TMEM132D: variants seen among roughly 807,000 people sequenced by gnomAD.
The protein encoded by TMEM132D is transmembrane protein 132D.
Under a neutral mutation model 62.3 loss-of-function variants are expected in TMEM132D, and 21 were observed. The observed-to-expected ratio is 0.34, with a 90% CI of 0.24 to 0.49. The LOEUF (loss-of-function observed/expected upper bound fraction) is 0.49, where lower values mean the gene tolerates loss of function less well. TMEM132D is among the 20% of genes least tolerant of loss of function. The pLI is 0.99. For synonymous variants in TMEM132D, 621 were observed against 575.6 expected, an observed-to-expected ratio of 1.08 and a Z score of -1.13; for missense variants, 1,346 against 1,402.8, an observed-to-expected ratio of 0.96 and a Z score of 0.65.
At chr12:129,773,802 A>G (rs61943383) in intron 1 of TMEM132D, among the ~76,000 whole-genome samples, 11,148 of 152,216 alleles carry the variant, frequency 0.073, 464 homozygotes, top group South Asian at 0.095. Context: ...TGGCATACAG[A>G]ACACGGGGCC....
intron 3 of TMEM132D, among the ~76,000 whole-genome samples, chr12:129,410,688 CT>C (rs202053774): frequency 6.8e-4 from 103 of 152,184 alleles, no homozygotes; most frequent in African/African-American, 2.4e-3. Context: ...ATGTACTTGT[CT>C]GACTCCAGAA....
intron 1 of TMEM132D, among the ~76,000 whole-genome samples, chr12:129,829,145 A>C (rs1240347609): frequency 6.6e-6 from 1 of 152,182 alleles, no homozygotes; most frequent in Non-Finnish European, 1.5e-5. Flanking sequence ...AGCCAGCAGC[A>C]TTCCTAGCTG....
intron 4 of TMEM132D, chr12:129,210,006 C>A (rs1332467870): frequency 1.9e-5 from 4 of 209,736 alleles, no homozygotes; most frequent in Admixed American, 1.6e-4. Flanking sequence ...TCATAGCATC[C>A]TGATAAGACA....
At chr12:129,279,239 T>C (rs1881079118) in intron 4 of TMEM132D, among the ~76,000 whole-genome samples, 2 of 152,182 alleles carry the variant, frequency 1.3e-5, no homozygotes, top group South Asian at 4.1e-4. Context: ...GAAACACACA[T>C]AGGAAATAGG....
At chr12:129,751,244 G>A (rs1869991519) in intron 1 of TMEM132D, among the ~76,000 whole-genome samples, 1 of 152,148 alleles carries the variant, frequency 6.6e-6, no homozygotes, top group South Asian at 2.1e-4. Flanking sequence ...TACAATCATG[G>A]TGGGAGGCAA....
chr12:129,173,901 C>T (rs1264788558), intron 5 of TMEM132D, among the ~76,000 whole-genome samples: 2 of 152,072 alleles, frequency 1.3e-5, no homozygotes, highest in Non-Finnish European at 2.9e-5. Context: ...AATCCTTTTT[C>T]AGGGTTTTCA....
intron 4 of TMEM132D, among the ~76,000 whole-genome samples, chr12:129,240,436 A>C (rs58930511): frequency 6.6e-6 from 1 of 152,288 alleles, no homozygotes; most frequent in African/African-American, 2.4e-5. Context: ...AAATACAGTA[A>C]AATCTTAGAA....
rs149934616 is a variant in TMEM132D at position 129,896,626 on chromosome 12, T to C, written c.79+6635A>G. Among the ~76,000 whole-genome samples the C allele has an allele frequency of 1.3e-4, 20 of 152,306 alleles. No homozygotes were observed. The East Asian group carries it at 3.9e-3, about 29-fold the overall frequency. On this transcript the variant is annotated intron_variant, in intron 1 of 8. Coordinates refer to ENST00000422113, the MANE Select transcript of TMEM132D (RefSeq NM_133448.3). Reference sequence around the variant, plus strand: ...CATAAACATAAACATTTAATGTCACTCTCGTGAAAAGAATAACTTAATGTC... The same window carrying C: ...CATAAACATAAACATTTAATGTCACCCTCGTGAAAAGAATAACTTAATGTC...
At chr12:129,142,434 G>T (rs1174849463) in intron 5 of TMEM132D, among the ~76,000 whole-genome samples, 1 of 152,086 alleles carries the variant, frequency 6.6e-6, no homozygotes, top group African/African-American at 2.4e-5. Flanking sequence ...CTATGGGCTG[G>T]CTTTATATCC....
intron 8 of TMEM132D, among the ~76,000 whole-genome samples, chr12:129,077,502 A>C (rs951944309): frequency 6.6e-6 from 1 of 152,056 alleles, no homozygotes; most frequent in African/African-American, 2.4e-5. Flanking sequence ...GTCCCCTATA[A>C]CAGTCCCCTT....
intron 2 of TMEM132D, among the ~76,000 whole-genome samples, chr12:129,641,552 T>A (rs942938080): frequency 6.6e-6 from 1 of 152,176 alleles, no homozygotes; most frequent in Non-Finnish European, 1.5e-5. Context: ...GTCCAGGTCA[T>A]CTCACAAATT....
chr12:129,361,364 C>T (rs1383079246), intron 3 of TMEM132D, among the ~76,000 whole-genome samples: 1 of 152,204 alleles, frequency 6.6e-6, no homozygotes, highest in Admixed American at 6.5e-5. Context: ...CTGCTTACTG[C>T]AGATTTGCAA....
intron 5 of TMEM132D, among the ~76,000 whole-genome samples, chr12:129,193,071 T>C (rs966275789): frequency 3.4e-5 from 5 of 147,590 alleles, no homozygotes; most frequent in Admixed American, 1.4e-4. Flanking sequence ...GGCAGGAGAA[T>C]GGCGTGAACC....
rs2135605739 is a variant in TMEM132D at position 129,075,046 on chromosome 12, C to G, written c.2129G>C (p.Ser710Thr). Residue 710 changes from serine to threonine, a missense_variant, in exon 9 of 9, where the codon AGT becomes ACT. Physicochemically the swap from Ser to Thr is moderately conservative, Grantham distance 58 (BLOSUM62 1). Transcript: ENST00000422113. ...LQRPKQEAAI[S>T]CWVQFSDGSV... ...GCCATCACTGAACTGGACCCAGCAACTGATGGCTGCTTCCTATGGAGAAAA... is the reference window on the plus strand; with the variant it reads ...GCCATCACTGAACTGGACCCAGCAAGTGATGGCTGCTTCCTATGGAGAAAA... 1 of 1,605,230 alleles carries G rather than the reference C, an allele frequency of 6.2e-7. No individual in the cohort carries two copies. Among genetic ancestry groups the G allele is most frequent in the Non-Finnish European group, 8.5e-7 (1 of 1,177,290 alleles).
chr12:129,108,248 G>A (rs1181836347), intron 5 of TMEM132D, among the ~76,000 whole-genome samples: 3 of 152,180 alleles, frequency 2.0e-5, no homozygotes, highest in African/African-American at 7.2e-5. Context: ...TTAGTCCACA[G>A]AGGGCAGTGA....
intron 3 of TMEM132D, among the ~76,000 whole-genome samples, chr12:129,381,239 T>C (rs952721026): frequency 6.6e-6 from 1 of 152,236 alleles, no homozygotes; most frequent in Admixed American, 6.5e-5. Flanking sequence ...ACTATGCCAA[T>C]TAGTATTTTA....
chr12:129,531,355 C>T (rs1876221240), intron 2 of TMEM132D, 150 bp from the exon 3 acceptor site: 1 of 889,690 alleles, frequency 1.1e-6, no homozygotes, highest in Non-Finnish European at 1.6e-6. Flanking sequence ...TTTGCAGTCG[C>T]CTTCCAACCC....
chr12:129,539,389 A>G (rs866468955), intron 2 of TMEM132D, among the ~76,000 whole-genome samples: 1 of 138,956 alleles, frequency 7.2e-6, no homozygotes, highest in Middle Eastern at 4.2e-3. Context: ...GAGCCACCAC[A>G]TTTGGCTAAT....
At chr12:129,382,037 G>A (rs377727853) in intron 3 of TMEM132D, among the ~76,000 whole-genome samples, 49 of 152,134 alleles carry the variant, frequency 3.2e-4, no homozygotes, top group Middle Eastern at 3.2e-3. Flanking sequence ...TCATTCTACC[G>A]TGTCCTTTAA....
Sources: gnomAD v4.1 joint callset for allele counts (sites outside exome capture counted in the v4.1 genomes callset) on GRCh38, gnomAD v4.1.1 for gene constraint, MANE v1.5 for transcripts, NCBI Gene and HGNC (gene_info 2026-07-23, HGNC 2026-07-21) for gene names.